HERC4: variants seen among roughly 807,000 people sequenced by gnomAD.
The protein encoded by HERC4 is probable E3 ubiquitin-protein ligase HERC4.
A neutral mutation model predicts 124.3 loss-of-function variants in HERC4; 28 were observed. That is an observed-to-expected ratio of 0.23 (90% CI 0.17 to 0.31). The LOEUF (loss-of-function observed/expected upper bound fraction) is 0.31. HERC4 is among the 10% of genes least tolerant of loss of function. The pLI is 1.00. For missense variants in HERC4, 713 were observed against 1,229.3 expected (o/e 0.58, Z 6.28); for synonymous variants, 407 against 421.5 (o/e 0.97, Z 0.42).
chr10:68,052,225 C>T (rs916050070), intron 3 of HERC4, among the ~76,000 whole-genome samples: 2 of 152,112 alleles, frequency 1.3e-5, no homozygotes, highest in East Asian at 3.9e-4. Flanking sequence ...ATAACGACTT[C>T]GAATACATCT....
rs576206653 is a variant in HERC4 at position 68,041,083 on chromosome 10, C to T, written c.387-2914G>A. 2.6e-5 allele frequency among the ~76,000 whole-genome samples: 4 copies of T among 151,948 alleles called. No homozygotes were observed. In the East Asian group the frequency reaches 5.8e-4, roughly 22 times the overall value. Reference sequence around the variant, plus strand: ...TCTGTTTTCCCAACTTAATGTGTAGCGGCAATATAGGCAGAAATCAGGCAT... The same window carrying T: ...TCTGTTTTCCCAACTTAATGTGTAGTGGCAATATAGGCAGAAATCAGGCAT... On this transcript the variant is annotated intron_variant, in intron 4 of 24. Transcript: ENST00000373700.
Position 67,941,760 on chromosome 10 carries a change from C to T in HERC4, c.2338-655G>A, listed in dbSNP as rs145692244. Among the ~76,000 whole-genome samples the T allele has an allele frequency of 7.2e-3, 1,034 of 142,946 alleles. 14 individuals carry two copies. The highest frequency in any genetic ancestry group is 0.026 in the African/African-American group (995 of 38,248). 93.8% of individuals were successfully genotyped at this position (142,946 alleles called of 152,430 possible). ...GTGGTGTGATCTCTGCTCACTGCAA[C>T]GTATGCCTCCTGGGTTCAAGAGATT... is the stretch of plus-strand genomic sequence containing the variant. On this transcript the variant is annotated intron_variant, in intron 19 of 24. Coordinates refer to ENST00000373700, the MANE Select transcript of HERC4 (RefSeq NM_015601.4).
chr10:68,050,096 G>A (rs990276856), intron 3 of HERC4, among the ~76,000 whole-genome samples: 1 of 152,160 alleles, frequency 6.6e-6, no homozygotes, highest in Non-Finnish European at 1.5e-5. Context: ...AGGAGGCTGA[G>A]GTAGGAGAAT....
intron 8 of HERC4, among the ~76,000 whole-genome samples, chr10:68,024,458 G>C (rs1409166118): frequency 6.6e-6 from 1 of 151,994 alleles, no homozygotes; most frequent in Admixed American, 6.6e-5. Flanking sequence ...AAAGTGCAAA[G>C]CAACATTATT....
intron 15 of HERC4, among the ~76,000 whole-genome samples, chr10:67,976,256 C>T (rs1159689509): frequency 6.6e-6 from 1 of 152,144 alleles, no homozygotes; most frequent in East Asian, 1.9e-4. Context: ...ACTCTTTCTA[C>T]TAAAAAAAGA....
intron 15 of HERC4, among the ~76,000 whole-genome samples, chr10:67,984,593 C>CT (rs1207956611): frequency 2.6e-5 from 4 of 151,590 alleles, no homozygotes; most frequent in African/African-American, 7.3e-5. Context: ...CTAGGTTTTT[C>CT]TTTTTTTGAG....
Position 68,069,866 on chromosome 10 carries a change from C to A in HERC4, c.226+3017G>T, listed in dbSNP as rs1149674. 3.8e-3 allele frequency: 1,760 copies of A among 466,682 alleles called. 37 individuals are homozygous for A. The highest frequency in any genetic ancestry group is 0.034 in the African/African-American group (1,585 of 47,254). The allele number at this position is 466,682 out of a possible 1,614,324, so 28.9% of individuals were successfully genotyped here. ...GACCATCCTGGCTAACACGGTGAAA[C>A]CCCGTCCCTACTAAAAATATAAAAA... On this transcript the variant is annotated intron_variant, in intron 3 of 24. Coordinates refer to ENST00000373700, the MANE Select transcript of HERC4 (RefSeq NM_015601.4).
chr10:67,932,948 A>G (rs1166127448), intron 22 of HERC4, among the ~76,000 whole-genome samples, 168 bp from the exon 23 acceptor site: 1 of 152,214 alleles, frequency 6.6e-6, no homozygotes. Context: ...ACTATGGAAA[A>G]AGCTATTATT....
intron 20 of HERC4, among the ~76,000 whole-genome samples, chr10:67,940,036 T>C (rs1233215667): frequency 6.6e-6 from 1 of 151,942 alleles, no homozygotes; most frequent in African/African-American, 2.4e-5. Context: ...TTAAAAGCAA[T>C]TCTCCTGCCT....
At chr10:68,030,862 T>C (rs2039167465) in intron 7 of HERC4, among the ~76,000 whole-genome samples, 1 of 152,242 alleles carries the variant, frequency 6.6e-6, no homozygotes, top group Non-Finnish European at 1.5e-5. Flanking sequence ...AAACATGGTA[T>C]GTCTTTCCAT....
chr10:67,950,638 G>T (rs148125272), intron 19 of HERC4, among the ~76,000 whole-genome samples: 1,915 of 152,266 alleles, frequency 0.013, 20 homozygotes, highest in Non-Finnish European at 0.019. Flanking sequence ...CATTGATGAT[G>T]AAAGTTATAT....
intron 19 of HERC4, among the ~76,000 whole-genome samples, chr10:67,946,873 C>T (rs1273581451): frequency 6.6e-6 from 1 of 152,082 alleles, no homozygotes; most frequent in Non-Finnish European, 1.5e-5. Flanking sequence ...AGCCACTGCA[C>T]TCCAGCCTGG....
chr10:68,018,956 A>G (rs1299425849), intron 8 of HERC4, among the ~76,000 whole-genome samples: 1 of 144,146 alleles, frequency 6.9e-6, no homozygotes, highest in Non-Finnish European at 1.5e-5. Flanking sequence ...AATTTATATG[A>G]AAGTAATAAA....
At chr10:68,029,879 C>T (rs1258346773) in intron 7 of HERC4, among the ~76,000 whole-genome samples, 2 of 151,216 alleles carry the variant, frequency 1.3e-5, no homozygotes, top group Non-Finnish European at 2.9e-5. Context: ...CCTGGGATTA[C>T]AGGCGCCTGC....
intron 3 of HERC4, among the ~76,000 whole-genome samples, chr10:68,059,094 C>G (rs1276808939): frequency 6.6e-6 from 1 of 151,966 alleles, no homozygotes; most frequent in Non-Finnish European, 1.5e-5. Flanking sequence ...CTCTCTACAC[C>G]TTGCTCATTT....
At chr10:68,054,128 G>A (rs2040439395) in intron 3 of HERC4, among the ~76,000 whole-genome samples, 1 of 152,064 alleles carries the variant, frequency 6.6e-6, no homozygotes, top group African/African-American at 2.4e-5. Context: ...GGGCAATGCA[G>A]AGTATACCTA....
At chr10:68,055,307 T>C (rs2040496769) in intron 3 of HERC4, among the ~76,000 whole-genome samples, 1 of 152,218 alleles carries the variant, frequency 6.6e-6, no homozygotes, top group Admixed American at 6.5e-5. Flanking sequence ...TTTGGAATGG[T>C]ACAATCCATA....
chr10:67,951,729 T>C (rs2033807263), intron 19 of HERC4, among the ~76,000 whole-genome samples: 1 of 152,174 alleles, frequency 6.6e-6, no homozygotes, highest in African/African-American at 2.4e-5. Flanking sequence ...CTTCTTTCCA[T>C]TTGCCATCCT....
Position 68,034,204 on chromosome 10 carries a change from A to G in HERC4, c.464-18T>C. 1 of 1,551,892 alleles carries G rather than the reference A, an allele frequency of 6.4e-7. No individual in the cohort carries two copies. Among genetic ancestry groups the G allele is most frequent in the Non-Finnish European group, 8.8e-7 (1 of 1,137,374 alleles). On this transcript the variant is annotated intron_variant, in intron 5 of 24. Transcript: ENST00000373700. Reference sequence around the variant, plus strand: ...TTCACTTGCTGTAAAACAGTAATGGAAAAATTAACCATTTTTCTCACATGC... The same window carrying G: ...TTCACTTGCTGTAAAACAGTAATGGGAAAATTAACCATTTTTCTCACATGC...
Sources: allele counts gnomAD v4.1 joint callset (sites outside exome capture counted in the v4.1 genomes callset), GRCh38; gene constraint gnomAD v4.1.1; transcripts MANE v1.5; gene names NCBI Gene and HGNC (gene_info 2026-07-23, HGNC 2026-07-21).